CENPE: variants seen among roughly 807,000 people sequenced by gnomAD.
CENPE encodes the protein centromere protein E.
A neutral mutation model predicts 336.1 loss-of-function variants in CENPE; 145 were observed. The ratio of observed to expected loss-of-function variants is 0.43; its 90% CI spans 0.38 to 0.50. The LOEUF (loss-of-function observed/expected upper bound fraction) is 0.50. CENPE is among the 20% of genes least tolerant of loss of function. The pLI is 0.00. For missense variants in CENPE, 2,719 were observed against 3,023.3 expected, an observed-to-expected ratio of 0.90 and a Z score of 2.36; for synonymous variants, 1,013 against 984.8, an observed-to-expected ratio of 1.03 and a Z score of -0.54.
chr4:103,146,936 T>C (rs1323786658), intron 29 of CENPE, among the ~76,000 whole-genome samples: 1 of 152,004 alleles, frequency 6.6e-6, no homozygotes, highest in Non-Finnish European at 1.5e-5. Context: ...GGTGACTGGA[T>C]TACAGAATAA....
chr4:103,195,959 T>A lies in CENPE; in HGVS notation c.318A>T (p.Ile106=), dbSNP rs780670563. The A allele has an allele frequency of 3.1e-6, 5 of 1,613,752 alleles. No individual in the cohort carries two copies. The highest frequency in any genetic ancestry group is 3.4e-6 in the Non-Finnish European group (4 of 1,179,702). Residue 106 remains isoleucine (I), a synonymous_variant, in exon 4 of 49, where the codon ATA becomes ATT. Transcript: ENST00000265148. The part of the protein sequence containing the change: ...MMGSEDHLGV[I]PRAIHDIFQK... ...GGAAAATGTCATGAATTGCCCTGGGTATAACTCCCAAATGATCTTCTGAAC... is the reference window on the plus strand; with the variant it reads ...GGAAAATGTCATGAATTGCCCTGGGAATAACTCCCAAATGATCTTCTGAAC...
At chr4:103,141,488 G>C (rs536120264) in intron 35 of CENPE, among the ~76,000 whole-genome samples, 2 of 152,222 alleles carry the variant, frequency 1.3e-5, no homozygotes, top group Admixed American at 1.3e-4. Context: ...CCTGCTGATA[G>C]ACATTTGAGT....
At position 103,145,386 on chromosome 4, in the gene CENPE, C is replaced by T. The variant is rs112510343; in HGVS notation, c.4573-52G>A. The T allele has an allele frequency of 1.4e-3, 1,901 of 1,349,194 alleles. 22 individuals carry two copies. The highest frequency in any genetic ancestry group is 0.013 in the African/African-American group (887 of 68,764). The allele number at this position is 1,349,194 out of a possible 1,614,324, so 83.6% of individuals were successfully genotyped here. A position where few individuals can be genotyped will look rare whatever the true frequency, so the allele number is the denominator to read the frequency against. ...ATAGTCATAAAAATATGTAAACACACACACACACATACACAACTTAAGAGG... is the reference window on the plus strand; with the variant it reads ...ATAGTCATAAAAATATGTAAACACATACACACACATACACAACTTAAGAGG... On this transcript the variant is annotated intron_variant, in intron 31 of 48. Transcript: ENST00000265148.
intron 16 of CENPE, among the ~76,000 whole-genome samples, chr4:103,172,150 C>T (rs190909230): frequency 6.6e-6 from 1 of 151,600 alleles, no homozygotes; most frequent in East Asian, 1.9e-4. Context: ...CAAAAATAGA[C>T]AAAAAAGGAA....
intron 25 of CENPE, 98 bp downstream of exon 25, chr4:103,152,949 C>A (rs1489382154): frequency 8.2e-6 from 7 of 854,776 alleles, no homozygotes; most frequent in Non-Finnish European, 1.1e-5. Flanking sequence ...CCACCAGATA[C>A]ATTTATTGTA....
At chr4:103,195,277 T>C (rs766311623) in intron 4 of CENPE, 44 bp from the exon 5 acceptor site, 9 of 1,533,544 alleles carry the variant, frequency 5.9e-6, no homozygotes, top group Non-Finnish European at 7.0e-6. Context: ...AAGCATCCAA[T>C]TGTGAAAACC....
intron 16 of CENPE, among the ~76,000 whole-genome samples, chr4:103,173,741 G>A (rs115571978): frequency 0.012 from 1,775 of 150,942 alleles, 35 homozygotes; most frequent in African/African-American, 0.041. Flanking sequence ...CTGAACAGAC[G>A]TTTCTCAAAA....
intron 24 of CENPE, among the ~76,000 whole-genome samples, chr4:103,154,808 C>T (rs1753837417): frequency 6.6e-6 from 1 of 152,070 alleles, no homozygotes; most frequent in Non-Finnish European, 1.5e-5. Flanking sequence ...AATAAGCTTA[C>T]TAATCATAAA....
chr4:103,151,468 A>T, intron 25 of CENPE, 91 bp from the exon 26 acceptor site: 1 of 972,448 alleles, frequency 1.0e-6, no homozygotes, highest in Non-Finnish European at 1.4e-6. Context: ...CAGTCTGCAA[A>T]TGAAGAAATC....
At chr4:103,112,323 G>A (rs891428355) in intron 46 of CENPE, among the ~76,000 whole-genome samples, 1 of 145,036 alleles carries the variant, frequency 6.9e-6, no homozygotes, top group African/African-American at 2.5e-5. Context: ...ACTTATAAGT[G>A]TATATATATA....
intron 42 of CENPE, among the ~76,000 whole-genome samples, chr4:103,131,262 TG>T (rs1751567150): frequency 6.6e-6 from 1 of 152,054 alleles, no homozygotes; most frequent in South Asian, 2.1e-4. Flanking sequence ...ACAAATAACC[TG>T]ACTAAAATAA....
Position 103,146,038 on chromosome 4 carries a change from T to A in CENPE, c.4204A>T (p.Ile1402Phe). The A allele has an allele frequency of 6.2e-7, 1 of 1,613,898 alleles. No homozygotes were observed. The highest frequency in any genetic ancestry group is 8.5e-7 in the Non-Finnish European group (1 of 1,179,880). The change falls in exon 30 of 49, where the codon ATC becomes TTC. Residue 1402 changes from isoleucine to phenylalanine, a missense_variant. Coordinates refer to ENST00000265148, the MANE Select transcript of CENPE (RefSeq NM_001813.3). ...TTGAATTGCTCCATCTCACTCACGA[T>A]TTTGGTAGTTTCATTGTCTTTTTCT... ...MKEKDNETTK[I>F]VSEMEQFKPK...
chr4:103,157,396 G>A (rs1754052800), intron 24 of CENPE, among the ~76,000 whole-genome samples: 1 of 151,906 alleles, frequency 6.6e-6, no homozygotes, highest in African/African-American at 2.4e-5. Flanking sequence ...ACATATAATG[G>A]AAATTTACTC....
chr4:103,163,515 T>C lies in CENPE; in HGVS notation c.1686A>G (p.Leu562=). 1 of 1,593,272 alleles carries C rather than the reference T, an allele frequency of 6.3e-7. No individual in the cohort carries two copies. Among genetic ancestry groups the C allele is most frequent in the South Asian group, 1.1e-5 (1 of 87,278 alleles). ...LIHEISNLKN[L]VKHAEVYNQD... is the part of the protein sequence containing the mutation. ...GATTATATACTTCTGCATGCTTAAC[T>C]AAATTCTTTAAGTTCGAAATTTCAT... Residue 562 remains leucine, a synonymous_variant, in exon 17 of 49, where the codon TTA becomes TTG. Transcript: ENST00000265148.
chr4:103,126,928 TGCA>T (rs1751156753), intron 42 of CENPE, among the ~76,000 whole-genome samples: 1 of 150,878 alleles, frequency 6.6e-6, no homozygotes, highest in East Asian at 1.9e-4. Flanking sequence ...CCTAGAAGTG[TGCA>T]GTAATTATAA....
chr4:103,157,235 G>A (rs530992326), intron 24 of CENPE, among the ~76,000 whole-genome samples: 2 of 151,952 alleles, frequency 1.3e-5, no homozygotes, highest in South Asian at 4.2e-4. Context: ...TTCCACTTCT[G>A]GATATATATA....
chr4:103,106,363 CA>C, intron 48 of CENPE, 47 bp from the exon 49 acceptor site: 2 of 1,446,574 alleles, frequency 1.4e-6, no homozygotes, highest in Non-Finnish European at 1.9e-6. Flanking sequence ...CAAAAATACA[CA>C]AAAACCAAGC....
intron 34 of CENPE, among the ~76,000 whole-genome samples, chr4:103,142,245 C>T (rs186113255): frequency 5.3e-5 from 8 of 152,112 alleles, no homozygotes; most frequent in African/African-American, 9.6e-5. Flanking sequence ...CATATGTATA[C>T]GTTGTGTTTG....
Position 103,149,181 on chromosome 4 carries a change from T to C in CENPE, c.3624A>G (p.Leu1208=), listed in dbSNP as rs1321440477. Reference sequence around the variant, plus strand: ...CTCTCTCTGTTTCAAATGACTTCTGTAATTCCTTTAGAACTTTTCTTTCTT... The same window carrying C: ...CTCTCTCTGTTTCAAATGACTTCTGCAATTCCTTTAGAACTTTTCTTTCTT... ...ITKERKVLKE[L]QKSFETERDH... is the part of the protein sequence containing the mutation. The change falls in exon 27 of 49, where the codon TTA becomes TTG. Residue 1208 remains leucine, a synonymous_variant. Coordinates refer to ENST00000265148, the MANE Select transcript of CENPE (RefSeq NM_001813.3). 1.9e-6 allele frequency: 3 copies of C among 1,610,710 alleles called. No individual in the cohort carries two copies. The highest frequency in any genetic ancestry group is 1.6e-4 in the Middle Eastern group (1 of 6,068).
Sources: gnomAD v4.1 joint callset for allele counts (sites outside exome capture counted in the v4.1 genomes callset) on GRCh38, gnomAD v4.1.1 for gene constraint, MANE v1.5 for transcripts, NCBI Gene and HGNC (gene_info 2026-07-23, HGNC 2026-07-21) for gene names.